Variants in CLPTM1 observed in about 807,000 individuals in gnomAD.
The protein encoded by CLPTM1 is CLPTM1 regulator of GABA type A receptor forward trafficking, also known as putative lipid scramblase CLPTM1.
In CLPTM1, 21 loss-of-function variants were observed where a neutral mutation model predicts 77.3. The observed-to-expected ratio is 0.27, with a 90% CI of 0.19 to 0.39. The LOEUF (loss-of-function observed/expected upper bound fraction) is 0.39. CLPTM1 is among the 10% of genes least tolerant of loss of function. The pLI, the probability that CLPTM1 is intolerant of heterozygous loss-of-function variation, is 1.00. For synonymous variants in CLPTM1, 373 were observed against 381.0 expected (o/e 0.98, Z 0.24); for missense variants, 642 against 921.2 (o/e 0.70, Z 3.92).
In CLPTM1 at chr19:44,987,298, G is replaced by A. The variant is rs376613031; in HGVS notation, c.913G>A (p.Val305Ile). 4.2e-5 allele frequency: 67 copies of A among 1,614,144 alleles called. No individual in the cohort carries two copies. In the Admixed American group the frequency reaches 5.8e-4, roughly 14 times the overall value. Residue 305 changes from valine (V) to isoleucine (I), a missense_variant, in exon 8 of 14, where the codon GTC (valine) becomes ATC (isoleucine). This residue lies in a region of CLPTM1 where 521 missense variants were observed against 800.4 expected (regional missense o/e 0.65). Coordinates refer to ENST00000337392, the MANE Select transcript of CLPTM1 (RefSeq NM_001294.4). Reference protein sequence around the residue: ...NESLASLPLRVSFCPLSLWRW... With the variant: ...NESLASLPLRISFCPLSLWRW... Reference sequence around the variant, plus strand: ...GAGCCTGGCCAGCCTGCCGCTCCGCGTCTCCTTCTGCCCACTCTCGCTTTG... The same window carrying A: ...GAGCCTGGCCAGCCTGCCGCTCCGCATCTCCTTCTGCCCACTCTCGCTTTG...
rs1287423321 is a variant in CLPTM1, at chr19:44,992,915, C to T, written c.*18C>T. 6.2e-7 allele frequency: 1 copy of T among 1,610,040 alleles called. No homozygotes were observed. The highest frequency in any genetic ancestry group is 1.1e-5 in the South Asian group (1 of 90,756). ...AGGATTAGTCGAGACTGGTCCTCAC[C>T]TGCTCCGGCTCCTGGCGACCACTAC... On this transcript the variant is annotated 3_prime_UTR_variant, in exon 14 of 14. Coordinates refer to ENST00000337392, the MANE Select transcript of CLPTM1 (RefSeq NM_001294.4). This position sits in a 1 kb window ranked among gnomAD's most constrained non-coding sequence, Gnocchi z 7.7.
Position 44,988,097 on chromosome 19 carries a change from C to G in CLPTM1, c.1056C>G (p.Thr352=). 6.2e-7 allele frequency: 1 copy of G among 1,613,916 alleles called. No homozygotes were observed. Among genetic ancestry groups the G allele is most frequent in the Non-Finnish European group, 8.5e-7 (1 of 1,179,808 alleles). The part of the protein sequence containing the change: ...QDSVKVALLE[T]NPYLLALTII... ...CCCTGCAGGTGGCCCTGCTGGAGAC[C>G]AACCCCTACCTGCTGGCGCTCACCA... is the stretch of plus-strand genomic sequence containing the variant. Residue 352 remains threonine (T), a synonymous_variant, in exon 9 of 14, where the codon ACC becomes ACG. Coordinates refer to ENST00000337392, the MANE Select transcript of CLPTM1 (RefSeq NM_001294.4).
intron 2 of CLPTM1, among the ~76,000 whole-genome samples, chr19:44,966,831 ATCTC>A (rs372681795): frequency 7.5e-5 from 11 of 147,238 alleles, no homozygotes; most frequent in South Asian, 2.1e-4. Flanking sequence ...TAAGACCCCC[ATCTC>A]TCTCTCTCTC....
Position 44,987,427 on chromosome 19 carries a change from A to G in CLPTM1, c.1038+4A>G. 6.2e-7 allele frequency: 1 copy of G among 1,612,978 alleles called. No homozygotes were observed. The highest frequency in any genetic ancestry group is 8.5e-7 in the Non-Finnish European group (1 of 1,179,620). On this transcript the variant is annotated splice_donor_region_variant and intron_variant, in intron 8 of 13. Coordinates refer to ENST00000337392, the MANE Select transcript of CLPTM1 (RefSeq NM_001294.4). ...TGAGGAGCAGGACTCGGTGAAGGTG[A>G]GTGCGGCCGGTGTGGGCGGGACTTC... is the stretch of plus-strand genomic sequence containing the variant.
Position 44,991,072 on chromosome 19 carries a change from C to T in CLPTM1, c.1419+127C>T. On this transcript the variant is annotated intron_variant, in intron 11 of 13. Transcript: ENST00000337392. The surrounding 1 kb of genome is among the most constrained non-coding windows in gnomAD (Gnocchi z 5.4). ...AGCCTGTGCCACATCCTCTGTGTCC[C>T]CCATCTGCCATAACTGCTTCCCTGG... 4 of 1,273,042 alleles carry T rather than the reference C, an allele frequency of 3.1e-6. No individual in the cohort carries two copies. Among genetic ancestry groups the T allele is most frequent in the Non-Finnish European group, 4.3e-6 (4 of 920,418 alleles). 78.9% of individuals were successfully genotyped at this position (1,273,042 alleles called of 1,614,324 possible).
At position 44,970,251 on chromosome 19, in the gene CLPTM1, C is replaced by T. The variant is rs1044738343; in HGVS notation, c.186-2836C>T. 6.1e-5 allele frequency among the ~76,000 whole-genome samples: 9 copies of T among 146,900 alleles called. 1 individual carries two copies. The highest frequency in any genetic ancestry group is 1.2e-4 in the Non-Finnish European group (8 of 67,606). On this transcript the variant is annotated intron_variant, in intron 2 of 13. Transcript: ENST00000337392. ...CCCACGAGTGGCCTTGCATACTTCG[C>T]CCTGCATACCTGTTGTGCAACTCCT... is the stretch of plus-strand genomic sequence containing the variant.
At chr19:44,983,169 A>G (rs184769670) in intron 5 of CLPTM1, among the ~76,000 whole-genome samples, 3 of 152,204 alleles carry the variant, frequency 2.0e-5, no homozygotes, top group Admixed American at 1.3e-4. Flanking sequence ...ATCACTCACC[A>G]GCATCCCTTA....
intron 2 of CLPTM1, among the ~76,000 whole-genome samples, chr19:44,968,172 C>T (rs1970663874): frequency 6.6e-6 from 1 of 152,158 alleles, no homozygotes; most frequent in South Asian, 2.1e-4. Flanking sequence ...TAGAACTAGG[C>T]AGCATCAAAC....
chr19:44,987,898 C>T (rs1971007056), intron 8 of CLPTM1, 182 bp from the exon 9 acceptor site: 2 of 627,564 alleles, frequency 3.2e-6, no homozygotes, highest in Non-Finnish European at 5.7e-6. Flanking sequence ...CTCCCCGTCT[C>T]TTCTGTCTTT....
At chr19:44,986,934 A>G (rs11672748) in intron 7 of CLPTM1, 197,170 of 555,782 alleles carry the variant, frequency 0.35, 36,660 homozygotes, top group African/African-American at 0.48. Context: ...GGTCACCCAC[A>G]GGGCAGCCGT....
chr19:44,974,837 G>T (rs1415810128), intron 4 of CLPTM1, among the ~76,000 whole-genome samples: 1 of 152,214 alleles, frequency 6.6e-6, no homozygotes, highest in East Asian at 1.9e-4. Context: ...CTACCTCTAA[G>T]GTTGTGCAGT....
intron 2 of CLPTM1, among the ~76,000 whole-genome samples, chr19:44,972,392 C>A (rs1041539543): frequency 5.3e-5 from 8 of 151,810 alleles, no homozygotes; most frequent in Non-Finnish European, 1.0e-4. Context: ...GGACTACAGG[C>A]GCCCGCCACC....
chr19:44,975,404 C>T (rs1436245046), intron 4 of CLPTM1, among the ~76,000 whole-genome samples: 3 of 152,220 alleles, frequency 2.0e-5, no homozygotes, highest in Non-Finnish European at 4.4e-5. Context: ...AAAGGGACAT[C>T]TCTCTTTGGG....
At chr19:44,959,254 C>G (rs907360048) in intron 1 of CLPTM1, among the ~76,000 whole-genome samples, 9 of 151,308 alleles carry the variant, frequency 5.9e-5, no homozygotes, top group African/African-American at 2.2e-4. Context: ...GAGACAGGGT[C>G]TCCCTGTGTT....
chr19:44,974,969 G>A (rs1463597329), intron 4 of CLPTM1, among the ~76,000 whole-genome samples: 1 of 152,160 alleles, frequency 6.6e-6, no homozygotes, highest in Non-Finnish European at 1.5e-5. Flanking sequence ...TAAGTGCAGG[G>A]TACTAAGCTA....
intron 9 of CLPTM1, 43 bp downstream of exon 9, chr19:44,988,216 G>T (rs372678695): frequency 3.5e-6 from 5 of 1,433,898 alleles, no homozygotes; most frequent in Admixed American, 1.7e-5. Context: ...TGTGCAGGGT[G>T]GGGGACAGGA....
intron 1 of CLPTM1, among the ~76,000 whole-genome samples, chr19:44,959,876 A>G (rs1970518225): frequency 1.3e-5 from 2 of 152,092 alleles, no homozygotes; most frequent in African/African-American, 4.8e-5. Context: ...GTGAAGTGAC[A>G]CCTCATTGTG....
intron 4 of CLPTM1, among the ~76,000 whole-genome samples, chr19:44,976,857 A>G (rs1471474706): frequency 1.3e-5 from 2 of 152,188 alleles, no homozygotes; most frequent in African/African-American, 2.4e-5. Context: ...GGGTGGTAAC[A>G]TGACCCATTG....
At chr19:44,983,271 G>T (rs1190735339) in intron 5 of CLPTM1, among the ~76,000 whole-genome samples, 4 of 152,020 alleles carry the variant, frequency 2.6e-5, no homozygotes, top group African/African-American at 9.7e-5. Flanking sequence ...GGCCCCAGGG[G>T]ACAGGATAGA....
Sources: gnomAD v4.1 joint callset for allele counts (sites outside exome capture counted in the v4.1 genomes callset) on GRCh38, gnomAD v4.1.1 for gene constraint, gnomAD v4.1.1 regional missense constraint, Gnocchi (gnomAD v3.1) non-coding constraint, MANE v1.5 for transcripts, NCBI Gene and HGNC (gene_info 2026-07-23, HGNC 2026-07-21) for gene names.